The following MAP6 variants were observed in gnomAD, a reference collection of about 807,000 sequenced individuals.
MAP6 encodes microtubule associated protein 6.
Under a neutral mutation model 42.4 loss-of-function variants are expected in MAP6, and 26 were observed. The ratio of observed to expected loss-of-function variants is 0.61; its 90% CI spans 0.45 to 0.85. MAP6 has a LOEUF of 0.85. Ranked by LOEUF, MAP6 falls within the 40% of genes least tolerant of loss-of-function variation. The probability of loss-of-function intolerance (pLI) is 0.00; values close to 1 mark genes in which losing one functional copy is unlikely to be tolerated. For missense variants in MAP6, 966 were observed against 1,099.0 expected (o/e 0.88, Z 1.71); for synonymous variants, 418 against 443.8 (o/e 0.94, Z 0.73).
intron 1 of MAP6, among the ~76,000 whole-genome samples, chr11:75,632,929 C>T (rs1309560703): frequency 6.6e-6 from 1 of 151,982 alleles, no homozygotes; most frequent in Non-Finnish European, 1.5e-5. Flanking sequence ...GATGGCAGAG[C>T]TGGAACCAGC....
chr11:75,620,264 G>A (rs1943084439), intron 1 of MAP6, among the ~76,000 whole-genome samples: 1 of 152,134 alleles, frequency 6.6e-6, no homozygotes, highest in African/African-American at 2.4e-5. Flanking sequence ...GAGCCCAGGA[G>A]TTTGAGACCA....
chr11:75,607,541 G>A (rs1478012278), intron 2 of MAP6: 1 of 985,342 alleles, frequency 1.0e-6, no homozygotes, highest in Non-Finnish European at 1.2e-6. Flanking sequence ...GGTAACAAAT[G>A]CTGGGAACAT....
At chr11:75,596,122 A>G (rs1942575056) in intron 3 of MAP6, 1 of 152,190 alleles carries the variant, frequency 6.6e-6, no homozygotes, top group Non-Finnish European at 1.5e-5. Context: ...AAGGTTTCTG[A>G]GATAACTTTA....
intron 1 of MAP6, among the ~76,000 whole-genome samples, chr11:75,665,546 T>C (rs962924678): frequency 9.9e-5 from 15 of 152,264 alleles, no homozygotes; most frequent in East Asian, 3.9e-4. Flanking sequence ...AGTGGGAAGA[T>C]GAAGAGGCCA....
At chr11:75,636,696 C>T (rs1943374897) in intron 1 of MAP6, among the ~76,000 whole-genome samples, 1 of 152,200 alleles carries the variant, frequency 6.6e-6, no homozygotes, top group African/African-American at 2.4e-5. Context: ...GGGCCAGGTA[C>T]CAGACCACTG....
intron 1 of MAP6, among the ~76,000 whole-genome samples, chr11:75,617,011 G>T (rs1016356723): frequency 3.3e-5 from 5 of 152,278 alleles, no homozygotes; most frequent in South Asian, 4.2e-4. Context: ...AGAAAGATTT[G>T]TATGGGTAAC....
chr11:75,608,877 A>C (rs1347108651), intron 1 of MAP6, among the ~76,000 whole-genome samples: 1 of 152,154 alleles, frequency 6.6e-6, no homozygotes, highest in Non-Finnish European at 1.5e-5. Flanking sequence ...TGCTTCTTGG[A>C]GGGCCAGAAC....
intron 1 of MAP6, among the ~76,000 whole-genome samples, chr11:75,660,731 T>C (rs535147041): frequency 6.6e-6 from 1 of 152,322 alleles, no homozygotes; most frequent in African/African-American, 2.4e-5. Flanking sequence ...AACTATGTTG[T>C]CCCTCTGCTT....
Position 75,587,566 on chromosome 11 carries a change from C to T in MAP6, c.1935G>A (p.Glu645=), listed in dbSNP as rs1158202499. Reference sequence around the variant, plus strand: ...CCATGGCACTTTCATCCTTCGGATGCTCTGGGACCATGGGATCTTGATCCT... The same window carrying T: ...CCATGGCACTTTCATCCTTCGGATGTTCTGGGACCATGGGATCTTGATCCT... ...PIKDQDPMVP[E]HPKDESAMAT... Residue 645 remains glutamate, a synonymous_variant, in exon 4 of 4, where the codon GAG becomes GAA. Coordinates refer to ENST00000304771, the MANE Select transcript of MAP6 (RefSeq NM_033063.2). The T allele has an allele frequency of 6.2e-7, 1 of 1,614,188 alleles. No homozygotes were observed. Among genetic ancestry groups the T allele is most frequent in the Middle Eastern group, 1.6e-4 (1 of 6,062 alleles).
chr11:75,615,686 C>A (rs74526273), intron 1 of MAP6, among the ~76,000 whole-genome samples: 1,865 of 152,284 alleles, frequency 0.012, 45 homozygotes, highest in African/African-American at 0.043. Flanking sequence ...CAGCTTCCAG[C>A]GCCAGGCTTC....
In MAP6 at chr11:75,587,663, G is replaced by A; in HGVS notation, c.1838C>T (p.Pro613Leu). 2 of 1,613,922 alleles carry A rather than the reference G, an allele frequency of 1.2e-6. No homozygotes were observed. The highest frequency in any genetic ancestry group is 1.7e-6 in the Non-Finnish European group (2 of 1,180,004). The change falls in exon 4 of 4, where the codon CCT becomes CTT. Residue 613 changes from proline to leucine, a missense_variant. Coordinates refer to ENST00000304771, the MANE Select transcript of MAP6 (RefSeq NM_033063.2). Reference protein sequence around the residue: ...VKDQGPIVPAPVKGEGPIVPA... With the variant: ...VKDQGPIVPALVKGEGPIVPA... ...GACTATGGGACCTTCACCCTTGACA[G>A]GTGCTGGGACTATGGGACCTTGATC...
intron 3 of MAP6, among the ~76,000 whole-genome samples, chr11:75,599,768 G>A (rs910794064): frequency 6.6e-6 from 1 of 152,166 alleles, no homozygotes; most frequent in African/African-American, 2.4e-5. Flanking sequence ...TCAGGTGAGA[G>A]GGATAGACAG....
At chr11:75,651,280 T>C (rs1943641565) in intron 1 of MAP6, among the ~76,000 whole-genome samples, 1 of 152,212 alleles carries the variant, frequency 6.6e-6, no homozygotes, top group South Asian at 2.1e-4. Context: ...GGACTGGGAC[T>C]ACTATGCTGT....
intron 3 of MAP6, chr11:75,604,856 G>A (rs1201398712): frequency 1.0e-6 from 1 of 985,376 alleles, no homozygotes; most frequent in Non-Finnish European, 1.2e-6. Context: ...GAGCAGACCA[G>A]AGCGGTTCAG....
intron 3 of MAP6, among the ~76,000 whole-genome samples, chr11:75,590,387 C>T (rs376906777): frequency 1.3e-3 from 202 of 152,272 alleles, no homozygotes; most frequent in South Asian, 2.9e-3. Context: ...GGACATGGGC[C>T]TGGAGTCTCC....
At chr11:75,615,538 T>C (rs1942981152) in intron 1 of MAP6, among the ~76,000 whole-genome samples, 1 of 151,588 alleles carries the variant, frequency 6.6e-6, no homozygotes, top group Non-Finnish European at 1.5e-5. Context: ...GATGAAGATC[T>C]TCCCTCCACA....
intron 1 of MAP6, among the ~76,000 whole-genome samples, chr11:75,647,347 C>CAAAA: frequency 2.3e-5 from 1 of 44,186 alleles, no homozygotes; most frequent in Non-Finnish European, 4.3e-5. Context: ...CCCACCTGAT[C>CAAAA]AAAAAAAAAA....
At chr11:75,622,977 T>C (rs80234283) in intron 1 of MAP6, among the ~76,000 whole-genome samples, 2,418 of 152,312 alleles carry the variant, frequency 0.016, 54 homozygotes, top group African/African-American at 0.056. Context: ...ACACTGTAAA[T>C]AGGACAAATA....
At chr11:75,610,333 T>C (rs771445475) in intron 1 of MAP6, among the ~76,000 whole-genome samples, 2 of 152,248 alleles carry the variant, frequency 1.3e-5, no homozygotes, top group Non-Finnish European at 2.9e-5. Flanking sequence ...TATTTTCTCC[T>C]CCTGGACTCC....
Sources: gnomAD v4.1 joint callset for allele counts (sites outside exome capture counted in the v4.1 genomes callset) on GRCh38, gnomAD v4.1.1 for gene constraint, MANE v1.5 for transcripts, NCBI Gene and HGNC (gene_info 2026-07-23, HGNC 2026-07-21) for gene names.